Variants in PCDH15 observed in about 807,000 individuals in gnomAD.
The protein encoded by PCDH15 is protocadherin-15.
A neutral mutation model predicts 178.5 loss-of-function variants in PCDH15; 129 were observed. The ratio of observed to expected loss-of-function variants is 0.72; its 90% confidence interval spans 0.63 to 0.84. PCDH15 has a LOEUF of 0.84. PCDH15 is among the 40% of genes least tolerant of loss of function. The pLI is 0.00. For missense variants in PCDH15, 2,230 were observed against 2,099.9 expected, an observed-to-expected ratio of 1.06 and a Z score of -1.21; for synonymous variants, 800 against 732.0, an observed-to-expected ratio of 1.09 and a Z score of -1.50.
At chr10:54,928,344 A>C (rs1184379458) in intron 2 of PCDH15, among the ~76,000 whole-genome samples, 1 of 151,994 alleles carries the variant, frequency 6.6e-6, no homozygotes, top group Non-Finnish European at 1.5e-5. Flanking sequence ...TGGTGACCTG[A>C]CCTTTCTCTC....
intron 2 of PCDH15, among the ~76,000 whole-genome samples, chr10:55,374,536 T>C (rs1359569296): frequency 6.6e-6 from 1 of 152,072 alleles, no homozygotes; most frequent in Non-Finnish European, 1.5e-5. Context: ...CCAAGTAGAA[T>C]AGCTTCCCAT....
At chr10:54,527,518 T>C (rs189569220) in intron 3 of PCDH15, among the ~76,000 whole-genome samples, 47 of 152,274 alleles carry the variant, frequency 3.1e-4, no homozygotes, top group African/African-American at 1.1e-3. Flanking sequence ...ATACACATGA[T>C]AGTCAACTTC....
At chr10:54,658,053 T>C (rs898667746) in intron 2 of PCDH15, among the ~76,000 whole-genome samples, 2 of 152,150 alleles carry the variant, frequency 1.3e-5, no homozygotes, top group Non-Finnish European at 2.9e-5. Flanking sequence ...TTCAGAAGCC[T>C]GGTTTTTTTG....
intron 2 of PCDH15, among the ~76,000 whole-genome samples, chr10:54,959,010 G>A (rs1838571454): frequency 6.6e-6 from 1 of 151,828 alleles, no homozygotes; most frequent in Non-Finnish European, 1.5e-5. Flanking sequence ...ACTAATGGAT[G>A]CCTTTTATTC....
chr10:55,010,472 T>G (rs1840023443), intron 2 of PCDH15, among the ~76,000 whole-genome samples: 1 of 152,090 alleles, frequency 6.6e-6, no homozygotes, highest in South Asian at 2.1e-4. Context: ...AGAGGGACTT[T>G]GGGTAGGAGG....
chr10:54,788,242 G>A (rs1951075722), intron 1 of PCDH15, among the ~76,000 whole-genome samples: 1 of 151,890 alleles, frequency 6.6e-6, no homozygotes, highest in South Asian at 2.1e-4. Context: ...TATGATATTA[G>A]ATGTTATTAG....
chr10:55,138,662 T>C (rs1936459), intron 2 of PCDH15, among the ~76,000 whole-genome samples: 146,723 of 152,162 alleles, frequency 0.96, 70,931 homozygotes, highest in Non-Finnish European at 1. Flanking sequence ...TACACTGCAA[T>C]GATTTAAGGT....
At chr10:53,993,216 A>G (rs1158428976) in intron 21 of PCDH15, among the ~76,000 whole-genome samples, 1 of 152,236 alleles carries the variant, frequency 6.6e-6, no homozygotes. Context: ...GGAGATATTA[A>G]GAATTTTTTC....
At chr10:53,931,721 G>T (rs775265114) in intron 25 of PCDH15, among the ~76,000 whole-genome samples, 3 of 151,962 alleles carry the variant, frequency 2.0e-5, no homozygotes, top group African/African-American at 4.8e-5. Flanking sequence ...TAAAAAAATT[G>T]TTAATAGTAC....
At chr10:54,397,724 TAG>T (rs1302087499) in intron 3 of PCDH15, among the ~76,000 whole-genome samples, 2 of 152,046 alleles carry the variant, frequency 1.3e-5, no homozygotes, top group South Asian at 2.1e-4. Flanking sequence ...TTTGTGGTGA[TAG>T]AGTTTTTTCT....
At chr10:55,270,695 G>A (rs76548440) in intron 1 of PCDH15, among the ~76,000 whole-genome samples, 16,424 of 152,162 alleles carry the variant, frequency 0.11, 1,245 homozygotes, top group East Asian at 0.37. Context: ...CTGTTGGTGA[G>A]AATGCAAGTT....
chr10:54,368,010 G>T (rs1947066136), intron 5 of PCDH15, among the ~76,000 whole-genome samples: 1 of 151,798 alleles, frequency 6.6e-6, no homozygotes, highest in African/African-American at 2.4e-5. Flanking sequence ...AAATTAATTA[G>T]TATCTGTCAT....
chr10:54,524,975 C>G (rs1191616691), intron 3 of PCDH15, among the ~76,000 whole-genome samples: 2 of 152,140 alleles, frequency 1.3e-5, no homozygotes, highest in Non-Finnish European at 2.9e-5. Flanking sequence ...TGGATCTCTG[C>G]CTGTTAAATT....
chr10:54,002,752 G>C (rs911647314), intron 20 of PCDH15, among the ~76,000 whole-genome samples: 4 of 151,868 alleles, frequency 2.6e-5, no homozygotes, highest in Non-Finnish European at 5.9e-5. Flanking sequence ...TCAGGGTTTT[G>C]AGTTCTTAAT....
intron 2 of PCDH15, among the ~76,000 whole-genome samples, chr10:54,580,625 C>T (rs1317501795): frequency 1.3e-5 from 2 of 151,978 alleles, no homozygotes; most frequent in Non-Finnish European, 2.9e-5. Context: ...GATACCAAAA[C>T]CTGGCAGATA....
At chr10:55,369,830 A>T (rs943673839) in intron 2 of PCDH15, among the ~76,000 whole-genome samples, 2 of 152,058 alleles carry the variant, frequency 1.3e-5, no homozygotes, top group Non-Finnish European at 2.9e-5. Context: ...TGAAAAAAAG[A>T]ATATTAATAC....
intron 3 of PCDH15, among the ~76,000 whole-genome samples, chr10:54,887,739 T>C (rs922077062): frequency 6.6e-6 from 1 of 152,204 alleles, no homozygotes; most frequent in African/African-American, 2.4e-5. Flanking sequence ...GGATTTCATA[T>C]ACAAGAATAA....
intron 1 of PCDH15, among the ~76,000 whole-genome samples, chr10:54,734,936 T>A (rs1172579094): frequency 6.6e-6 from 1 of 152,030 alleles, no homozygotes; most frequent in Non-Finnish European, 1.5e-5. Context: ...GTATCTTTAT[T>A]GTGATGGTGG....
At chr10:55,263,304 A>C (rs1054907445) in intron 1 of PCDH15, among the ~76,000 whole-genome samples, 1 of 152,124 alleles carries the variant, frequency 6.6e-6, no homozygotes, top group Non-Finnish European at 1.5e-5. Flanking sequence ...TTACAATGTT[A>C]AGGGATTTGC....
Sources: allele counts gnomAD v4.1 joint callset (sites outside exome capture counted in the v4.1 genomes callset), GRCh38; gene constraint gnomAD v4.1.1; transcripts MANE v1.5; gene names NCBI Gene and HGNC (gene_info 2026-07-23, HGNC 2026-07-21).